Variants in CCSER1 observed in about 807,000 individuals in gnomAD.
CCSER1 encodes the protein serine-rich coiled-coil domain-containing protein 1.
A neutral mutation model predicts 82.0 loss-of-function variants in CCSER1; 41 were observed. The ratio of observed to expected loss-of-function variants is 0.50; its 90% confidence interval spans 0.39 to 0.65. The LOEUF (loss-of-function observed/expected upper bound fraction) is 0.65, where lower values mean the gene tolerates loss of function less well. Among genes scored for constraint, CCSER1 ranks in the 30% least tolerant of loss-of-function variants. The pLI, the probability that CCSER1 is intolerant of heterozygous loss-of-function variation, is 0.00. For missense variants in CCSER1, 1,119 were observed against 1,064.2 expected, an observed-to-expected ratio of 1.05 and a Z score of -0.72; for synonymous variants, 414 against 383.9, an observed-to-expected ratio of 1.08 and a Z score of -0.92.
chr4:91,165,638 C>G (rs530723545), intron 10 of CCSER1, among the ~76,000 whole-genome samples: 1 of 152,244 alleles, frequency 6.6e-6, no homozygotes, highest in Non-Finnish European at 1.5e-5. Flanking sequence ...TCAGCAATGG[C>G]AGACGCCCCT....
chr4:91,103,393 C>G (rs1017924698), intron 10 of CCSER1, among the ~76,000 whole-genome samples: 1 of 152,056 alleles, frequency 6.6e-6, no homozygotes, highest in Non-Finnish European at 1.5e-5. Flanking sequence ...GTCATCGGAA[C>G]CTTTTAAATA....
intron 10 of CCSER1, among the ~76,000 whole-genome samples, chr4:91,225,687 CA>C (rs1436329100): frequency 6.6e-6 from 1 of 151,686 alleles, no homozygotes; most frequent in African/African-American, 2.4e-5. Context: ...GTTTTGTTGC[CA>C]TAACCTTAAT....
intron 1 of CCSER1, among the ~76,000 whole-genome samples, chr4:90,304,699 G>C (rs1223801911): frequency 2.6e-5 from 4 of 152,046 alleles, no homozygotes; most frequent in Non-Finnish European, 5.9e-5. Context: ...CCTAATGCTA[G>C]ATGACAAGTT....
At chr4:90,503,985 A>G (rs1283734998) in intron 5 of CCSER1, among the ~76,000 whole-genome samples, 1 of 152,112 alleles carries the variant, frequency 6.6e-6, no homozygotes, top group East Asian at 1.9e-4. Flanking sequence ...TTCTCATATA[A>G]CATTTATTTC....
chr4:90,776,872 G>A (rs1467406917), intron 7 of CCSER1, among the ~76,000 whole-genome samples: 1 of 152,024 alleles, frequency 6.6e-6, no homozygotes, highest in Non-Finnish European at 1.5e-5. Flanking sequence ...CTCTCTTATT[G>A]TTTCCTATCT....
At chr4:90,494,357 G>A (rs560950226) in intron 5 of CCSER1, among the ~76,000 whole-genome samples, 5 of 152,200 alleles carry the variant, frequency 3.3e-5, no homozygotes, top group East Asian at 3.9e-4. Flanking sequence ...ACAGATCCAC[G>A]AGACAGAAAG....
rs116554990 is a variant in CCSER1, at chr4:91,399,609, G to A, written c.2218-198963G>A. On this transcript the variant is annotated intron_variant, in intron 10 of 10. Transcript: ENST00000509176. ...TTTTAGTTTTAGCTTGCTTTGACCT[G>A]CTAAGTCAGTTAACATGTACTCATC... 4.1e-3 allele frequency among the ~76,000 whole-genome samples: 624 copies of A among 151,964 alleles called. 2 individuals are homozygous for A. Among genetic ancestry groups the A allele is most frequent in the African/African-American group, 0.015 (606 of 41,498 alleles).
chr4:90,820,210 C>A lies in CCSER1; in HGVS notation c.2094+4365C>A, dbSNP rs956588846. On this transcript the variant is annotated intron_variant, in intron 8 of 10. Coordinates refer to ENST00000509176, the MANE Select transcript of CCSER1 (RefSeq NM_001145065.2). ...CCTCTAATCTTAATTGCCTATGTGA[C>A]CAGATTTAGGTATTTTTCTCTATTT... Among the ~76,000 whole-genome samples, 7 of 152,054 alleles carry A rather than the reference C, an allele frequency of 4.6e-5. 1 individual carries two copies. The highest frequency in any genetic ancestry group is 1.7e-4 in the African/African-American group (7 of 41,390).
chr4:90,519,363 G>C (rs1459864914), intron 5 of CCSER1, among the ~76,000 whole-genome samples: 2 of 151,820 alleles, frequency 1.3e-5, no homozygotes, highest in East Asian at 3.8e-4. Flanking sequence ...AAATGATACA[G>C]TTGAGTGACA....
chr4:91,074,989 T>C (rs1280372479), intron 9 of CCSER1, among the ~76,000 whole-genome samples: 2 of 152,178 alleles, frequency 1.3e-5, no homozygotes, highest in African/African-American at 4.8e-5. Flanking sequence ...CCTTTTTGTT[T>C]ACAGGGAAGC....
intron 10 of CCSER1, among the ~76,000 whole-genome samples, chr4:91,102,926 C>T (rs1287441374): frequency 6.6e-6 from 1 of 152,086 alleles, no homozygotes. Context: ...GAGAAGAAAA[C>T]AAACATTTTC....
chr4:91,377,167 G>T (rs1388344143), intron 10 of CCSER1, among the ~76,000 whole-genome samples: 5 of 152,070 alleles, frequency 3.3e-5, no homozygotes, highest in Non-Finnish European at 7.4e-5. Flanking sequence ...CATTTGGGTT[G>T]GTTCCAAGTC....
chr4:91,152,891 G>C (rs7684372), intron 10 of CCSER1, among the ~76,000 whole-genome samples: 1 of 151,942 alleles, frequency 6.6e-6, no homozygotes, highest in Admixed American at 6.5e-5. Flanking sequence ...GGGATCCGCT[G>C]TTAGGCTTCC....
rs144901692 is a variant in CCSER1, at chr4:91,057,408, C to T, written c.2173-28542C>T. The stretch of plus-strand genomic sequence containing the variant: ...TGGTGTTCCCCACCCCTTTGTCGTT[C>T]CAGAATCCTCCCTTCCCTGCTATTT... On this transcript the variant is annotated intron_variant, in intron 9 of 10. Transcript: ENST00000509176. Among the ~76,000 whole-genome samples the T allele has an allele frequency of 8.5e-5, 13 of 152,174 alleles. No individual in the cohort carries two copies. In the East Asian group the frequency reaches 1.4e-3, roughly 16 times the overall value.
intron 6 of CCSER1, among the ~76,000 whole-genome samples, chr4:90,714,172 A>G (rs948749349): frequency 6.6e-6 from 1 of 151,938 alleles, no homozygotes; most frequent in Non-Finnish European, 1.5e-5. Context: ...TCTACTTTTA[A>G]ATATCTAAAA....
intron 4 of CCSER1, among the ~76,000 whole-genome samples, chr4:90,458,744 G>A (rs1762502941): frequency 6.6e-6 from 1 of 152,196 alleles, no homozygotes; most frequent in South Asian, 2.1e-4. Flanking sequence ...GAACTACTTA[G>A]AAGGAGCAGA....
intron 5 of CCSER1, among the ~76,000 whole-genome samples, chr4:90,488,362 A>G (rs1767454642): frequency 1.3e-5 from 2 of 151,672 alleles, no homozygotes; most frequent in Admixed American, 1.3e-4. Context: ...TAATTTTTGT[A>G]TTTTTAGTAG....
chr4:90,769,985 G>A (rs906692879), intron 7 of CCSER1, among the ~76,000 whole-genome samples: 3 of 152,080 alleles, frequency 2.0e-5, no homozygotes, highest in Admixed American at 6.6e-5. Context: ...ATGATACAAC[G>A]GAACTGATGG....
At position 90,839,075 on chromosome 4, in the gene CCSER1, G is replaced by A. The variant is rs769378879; in HGVS notation, c.2094+23230G>A. 28 of 1,580,800 alleles carry A rather than the reference G, an allele frequency of 1.8e-5. No individual in the cohort carries two copies. In the African/African-American group the frequency reaches 3.2e-4, roughly 18 times the overall value. On this transcript the variant is annotated intron_variant, in intron 8 of 10. Transcript: ENST00000509176. ...AAAGCGGAGCGAGGCGCGCGAGTAC[G>A]AGCGAAGTCTGGTCTGCGCAGTGGC... is the stretch of plus-strand genomic sequence containing the variant.
Sources: allele counts gnomAD v4.1 joint callset (sites outside exome capture counted in the v4.1 genomes callset), GRCh38; gene constraint gnomAD v4.1.1; transcripts MANE v1.5; gene names NCBI Gene and HGNC (gene_info 2026-07-23, HGNC 2026-07-21).